Variants in FSHR observed in about 807,000 individuals in gnomAD.
FSHR encodes follicle stimulating hormone receptor.
In FSHR, 46 loss-of-function variants were observed where a neutral mutation model predicts 52.1. The ratio of observed to expected loss-of-function variants is 0.88; its 90% CI spans 0.70 to 1.13. The LOEUF (loss-of-function observed/expected upper bound fraction) is 1.13. Among genes scored for constraint, FSHR ranks in the 50% most tolerant of loss-of-function variants. The pLI is 0.00. For synonymous variants in FSHR, 399 were observed against 309.6 expected (o/e 1.29, Z -3.03); for missense variants, 964 against 834.6 (o/e 1.16, Z -1.91).
chr2:49,114,248 G>A (rs2103761364), intron 1 of FSHR, among the ~76,000 whole-genome samples: 1 of 152,288 alleles, frequency 6.6e-6, no homozygotes, highest in African/African-American at 2.4e-5. Context: ...TCACACCACA[G>A]GGCTGAGCAT....
rs775127668 is a variant in FSHR, at chr2:48,963,110, C to T, written c.1711G>A (p.Ala571Thr). 4 of 1,613,900 alleles carry T rather than the reference C, an allele frequency of 2.5e-6. No homozygotes were observed. The highest frequency in any genetic ancestry group is 1.7e-5 in the Admixed American group (1 of 59,986). ...AAGATGAGCATGGCCATGCGCTTGG[C>T]GATCCTGGTGTCACTAGAGGAGGAC... ...IVSSSSDTRI[A>T]KRMAMLIFTD... The change falls in exon 10 of 10, where the codon GCC becomes ACC. Residue 571 changes from alanine (A) to threonine (T), a missense_variant. Coordinates refer to ENST00000406846, the MANE Select transcript of FSHR (RefSeq NM_000145.4).
intron 2 of FSHR, among the ~76,000 whole-genome samples, chr2:49,059,286 C>T (rs116511316): frequency 0.02 from 3,023 of 151,946 alleles, 86 homozygotes; most frequent in African/African-American, 0.057. Context: ...TAAATTTGTA[C>T]GGAACCACAA....
At chr2:49,105,526 G>C (rs1671190671) in intron 1 of FSHR, among the ~76,000 whole-genome samples, 1 of 152,108 alleles carries the variant, frequency 6.6e-6, no homozygotes, top group Admixed American at 6.6e-5. Context: ...TCGTGAGGCT[G>C]GGCAAAAATA....
chr2:49,146,785 A>G (rs1392016550), intron 1 of FSHR, among the ~76,000 whole-genome samples: 2 of 152,062 alleles, frequency 1.3e-5, no homozygotes, highest in African/African-American at 2.4e-5. Context: ...TTTTCTCTCA[A>G]TATCCTCAAT....
intron 8 of FSHR, among the ~76,000 whole-genome samples, chr2:48,975,140 G>T (rs1674930433): frequency 6.6e-6 from 1 of 152,054 alleles, no homozygotes; most frequent in Non-Finnish European, 1.5e-5. Context: ...GTGTCTGAGG[G>T]TATTTCCAGA....
Position 49,032,781 on chromosome 2 carries a change from G to T in FSHR, c.225-12621C>A, listed in dbSNP as rs112177844. Among the ~76,000 whole-genome samples the T allele has an allele frequency of 6.2e-3, 944 of 152,302 alleles. 2 individuals carry two copies. The highest frequency in any genetic ancestry group is 0.011 in the Non-Finnish European group (740 of 68,020). ...CCTGAGCTGGTGTTCCTTCAAGCAC[G>T]CAATGCAGCATACTGGTGTTATGGA... On this transcript the variant is annotated intron_variant, in intron 2 of 9. Coordinates refer to ENST00000406846, the MANE Select transcript of FSHR (RefSeq NM_000145.4).
intron 2 of FSHR, among the ~76,000 whole-genome samples, chr2:49,039,410 C>T (rs184673457): frequency 1.3e-5 from 2 of 152,344 alleles, no homozygotes; most frequent in African/African-American, 2.4e-5. Context: ...TCTCCACCTG[C>T]TGCACTGTCT....
At chr2:48,970,421 C>T (rs1674691230) in intron 8 of FSHR, among the ~76,000 whole-genome samples, 1 of 152,164 alleles carries the variant, frequency 6.6e-6, no homozygotes, top group Admixed American at 6.5e-5. Context: ...AGGTAGAATG[C>T]TCCTTCTTTT....
chr2:49,111,722 T>C (rs1671430375), intron 1 of FSHR, among the ~76,000 whole-genome samples: 1 of 152,154 alleles, frequency 6.6e-6, no homozygotes, highest in Non-Finnish European at 1.5e-5. Context: ...CAAGTGTCTA[T>C]TATGAGTTTT....
chr2:49,088,796 T>C (rs1394826455), intron 1 of FSHR, among the ~76,000 whole-genome samples: 3 of 152,140 alleles, frequency 2.0e-5, no homozygotes, highest in African/African-American at 7.2e-5. Flanking sequence ...TGACTGACAG[T>C]CACTGAGAAT....
At chr2:49,076,288 C>A (rs969280333) in intron 1 of FSHR, among the ~76,000 whole-genome samples, 3 of 152,194 alleles carry the variant, frequency 2.0e-5, no homozygotes, top group African/African-American at 7.2e-5. Context: ...GGGGAGGCCT[C>A]ACAATCATGA....
chr2:49,072,849 T>C (rs925445932), intron 1 of FSHR, among the ~76,000 whole-genome samples: 7 of 152,170 alleles, frequency 4.6e-5, no homozygotes, highest in Non-Finnish European at 8.8e-5. Context: ...CCTGTTTGAA[T>C]GTTTACTGAA....
intron 4 of FSHR, among the ~76,000 whole-genome samples, chr2:48,992,291 C>T (rs973279981): frequency 1.3e-5 from 2 of 152,124 alleles, no homozygotes; most frequent in East Asian, 1.9e-4. Flanking sequence ...TAGAACAGTG[C>T]CGTCACTTTC....
chr2:48,989,980 G>T (rs1388513136), intron 5 of FSHR, among the ~76,000 whole-genome samples: 2 of 151,962 alleles, frequency 1.3e-5, no homozygotes, highest in Non-Finnish European at 2.9e-5. Flanking sequence ...CTCCCTCCCT[G>T]CTTATCTCCT....
intron 1 of FSHR, among the ~76,000 whole-genome samples, chr2:49,076,868 T>A (rs1269948121): frequency 6.6e-6 from 1 of 152,188 alleles, no homozygotes; most frequent in African/African-American, 2.4e-5. Context: ...AACTCCAAAA[T>A]GATCTGTTTT....
intron 1 of FSHR, among the ~76,000 whole-genome samples, chr2:49,140,020 G>C (rs371305742): frequency 6.6e-6 from 1 of 152,158 alleles, no homozygotes; most frequent in Non-Finnish European, 1.5e-5. Flanking sequence ...GGGGGCAACT[G>C]AGCCAGCTTA....
intron 6 of FSHR, among the ~76,000 whole-genome samples, chr2:48,986,311 T>G (rs184421578): frequency 2.0e-5 from 3 of 152,150 alleles, no homozygotes; most frequent in Non-Finnish European, 4.4e-5. Flanking sequence ...CTTGTTCTTT[T>G]TTATAGCTGT....
chr2:49,100,614 A>G (rs570305010), intron 1 of FSHR, among the ~76,000 whole-genome samples: 26 of 152,224 alleles, frequency 1.7e-4, no homozygotes, highest in Non-Finnish European at 3.1e-4. Flanking sequence ...GGTCGTGAAG[A>G]TGGAAGACAA....
intron 8 of FSHR, among the ~76,000 whole-genome samples, chr2:48,977,604 C>T (rs749295225): frequency 4.6e-5 from 7 of 152,152 alleles, no homozygotes; most frequent in Non-Finnish European, 1.0e-4. Context: ...GTTTATTAGG[C>T]ATCTGCTGTA....
Sources: allele counts gnomAD v4.1 joint callset (sites outside exome capture counted in the v4.1 genomes callset), GRCh38; gene constraint gnomAD v4.1.1; transcripts MANE v1.5; gene names NCBI Gene and HGNC (gene_info 2026-07-23, HGNC 2026-07-21).